The following KDM4C variants were observed in gnomAD, a reference collection of about 807,000 sequenced individuals.
The protein encoded by KDM4C is lysine demethylase 4C.
In KDM4C, 81 loss-of-function variants were observed where a neutral mutation model predicts 129.3. That is an observed-to-expected ratio of 0.63 (90% CI 0.52 to 0.75). KDM4C has a LOEUF of 0.75. KDM4C is among the 30% of genes least tolerant of loss of function. The pLI, the probability that KDM4C is intolerant of heterozygous loss-of-function variation, is 0.00. For synonymous variants in KDM4C, 573 were observed against 456.1 expected, an observed-to-expected ratio of 1.26 and a Z score of -3.26; for missense variants, 1,457 against 1,304.0, an observed-to-expected ratio of 1.12 and a Z score of -1.81.
rs543899565 is a variant in KDM4C, at chr9:6,922,293, C to T, written c.921+29061C>T. ...ACATTTCTAATTTCTTTTACCTTTG[C>T]CCTTATGCAGGGCATGTGCATAGTA... On this transcript the variant is annotated intron_variant, in intron 8 of 21. Coordinates refer to ENST00000381309, the MANE Select transcript of KDM4C (RefSeq NM_015061.6). Among the ~76,000 whole-genome samples, 6 of 152,286 alleles carry T rather than the reference C, an allele frequency of 3.9e-5. No homozygotes were observed. In the South Asian group the frequency reaches 1.2e-3, roughly 32 times the overall value.
intron 17 of KDM4C, among the ~76,000 whole-genome samples, chr9:7,100,711 G>C (rs573369919): frequency 4.6e-5 from 7 of 152,130 alleles, no homozygotes; most frequent in African/African-American, 1.7e-4. Context: ...ACCTCATGTT[G>C]ACCCAGGGTT....
intron 4 of KDM4C, among the ~76,000 whole-genome samples, chr9:6,820,698 A>ATCTC (rs200755944): frequency 2.8e-5 from 4 of 140,702 alleles, no homozygotes; most frequent in African/African-American, 7.9e-5. Flanking sequence ...TTGTGTCTTG[A>ATCTC]TCTCTCTCTC....
intron 5 of KDM4C, among the ~76,000 whole-genome samples, chr9:6,866,705 T>C (rs907063444): frequency 6.6e-6 from 1 of 152,078 alleles, no homozygotes; most frequent in African/African-American, 2.4e-5. Context: ...TCTATTCTAG[T>C]GTAGAAACCG....
At chr9:6,760,440 C>T (rs1819179106) in intron 1 of KDM4C, among the ~76,000 whole-genome samples, 1 of 112,256 alleles carries the variant, frequency 8.9e-6, no homozygotes, top group Non-Finnish European at 1.8e-5. Context: ...TTTCTCTACT[C>T]TTGGGTATAT....
chr9:7,026,822 C>G (rs1447736624), intron 15 of KDM4C, among the ~76,000 whole-genome samples: 2 of 151,878 alleles, frequency 1.3e-5, no homozygotes, highest in East Asian at 1.9e-4. Flanking sequence ...TTCAAATAAC[C>G]TGTCTTCGAG....
chr9:6,757,594 A>G (rs562306668), upstream of KDM4C: 2 of 979,498 alleles, frequency 2.0e-6, no homozygotes, highest in Non-Finnish European at 2.4e-6. Context: ...GTACATTCCG[A>G]GGCTCCACCC....
chr9:6,863,369 A>T (rs1841321630), intron 5 of KDM4C, among the ~76,000 whole-genome samples: 1 of 152,092 alleles, frequency 6.6e-6, no homozygotes, highest in Non-Finnish European at 1.5e-5. Flanking sequence ...TAAAGAAAAA[A>T]GATTTATTTG....
At chr9:6,922,401 T>TC (rs1003032957) in intron 8 of KDM4C, among the ~76,000 whole-genome samples, 18 of 149,378 alleles carry the variant, frequency 1.2e-4, no homozygotes, top group South Asian at 4.2e-4. Flanking sequence ...ACTGTTTTTT[T>TC]CCCCCCCATT....
intron 17 of KDM4C, among the ~76,000 whole-genome samples, chr9:7,085,848 A>C (rs534952478): frequency 4.0e-5 from 6 of 150,066 alleles, no homozygotes; most frequent in African/African-American, 1.5e-4. Context: ...TTTCTTTTTT[A>C]TTTTTCATTA....
At chr9:7,023,246 A>G (rs1481815680) in intron 15 of KDM4C, among the ~76,000 whole-genome samples, 1 of 152,200 alleles carries the variant, frequency 6.6e-6, no homozygotes, top group Admixed American at 6.5e-5. Flanking sequence ...GGTAGAATTC[A>G]GCACTGAAGC....
At chr9:7,074,723 A>G (rs1028149450) in intron 17 of KDM4C, among the ~76,000 whole-genome samples, 3 of 152,168 alleles carry the variant, frequency 2.0e-5, no homozygotes, top group African/African-American at 7.2e-5. Flanking sequence ...TATTAACCCT[A>G]AAGGACTAGA....
chr9:6,876,905 C>T (rs776825900), intron 5 of KDM4C, among the ~76,000 whole-genome samples: 27 of 152,254 alleles, frequency 1.8e-4, no homozygotes, highest in Admixed American at 3.9e-4. Flanking sequence ...AAAAGCTTCG[C>T]ATACACAAAT....
In KDM4C at chr9:7,062,729, T is replaced by C. The variant is rs10976016; in HGVS notation, c.2424+13529T>C. ...ATTTGAACTTACAGAATTATTCCCT[T>C]TACTGTTTTAAGGGAATCTGTGGAA... On this transcript the variant is annotated intron_variant, in intron 17 of 21. Transcript: ENST00000381309. Among the ~76,000 whole-genome samples, 3 of 152,066 alleles carry C rather than the reference T, an allele frequency of 2.0e-5. No individual in the cohort carries two copies. In the East Asian group the frequency reaches 5.8e-4, roughly 29 times the overall value.
intron 1 of KDM4C, among the ~76,000 whole-genome samples, chr9:6,773,898 C>A (rs1258340889): frequency 6.6e-6 from 1 of 151,814 alleles, no homozygotes; most frequent in African/African-American, 2.4e-5. Context: ...ATAACCAAAC[C>A]CTAGGCATTT....
chr9:7,089,040 G>GA (rs1475778368), intron 17 of KDM4C, among the ~76,000 whole-genome samples: 1 of 150,318 alleles, frequency 6.7e-6, no homozygotes, highest in Non-Finnish European at 1.5e-5. Flanking sequence ...GAATTGATGA[G>GA]AAAAAAAATC....
At chr9:6,811,875 T>G (rs913060688) in intron 3 of KDM4C, among the ~76,000 whole-genome samples, 3 of 152,198 alleles carry the variant, frequency 2.0e-5, no homozygotes, top group African/African-American at 7.2e-5. Flanking sequence ...AAGATATGGT[T>G]GAATCAGTAT....
chr9:6,900,716 T>C (rs1009152297), intron 8 of KDM4C, among the ~76,000 whole-genome samples: 3 of 152,216 alleles, frequency 2.0e-5, no homozygotes, highest in African/African-American at 7.2e-5. Flanking sequence ...TCCTTTTTAG[T>C]CTGTAGTGCA....
intron 4 of KDM4C, among the ~76,000 whole-genome samples, chr9:6,844,196 T>C (rs1837458026): frequency 6.6e-6 from 1 of 152,214 alleles, no homozygotes; most frequent in African/African-American, 2.4e-5. Flanking sequence ...TAACGTTGGA[T>C]TGAGTCTTCT....
At position 6,772,548 on chromosome 9, in the gene KDM4C, A is replaced by C. The variant is rs184621952; in HGVS notation, c.-18+14345A>C. Among the ~76,000 whole-genome samples, 88 of 152,200 alleles carry C rather than the reference A, an allele frequency of 5.8e-4. 1 individual carries two copies. The highest frequency in any genetic ancestry group is 3.7e-4 in the Non-Finnish European group (25 of 67,996). ...GGTTAATTTTGTATTTTTAGTAGAG[A>C]CAGGGTTTATCCATGTTGGTCAGGC... On this transcript the variant is annotated intron_variant, in intron 1 of 21. Transcript: ENST00000381309.
Sources: allele counts gnomAD v4.1 joint callset (sites outside exome capture counted in the v4.1 genomes callset), GRCh38; gene constraint gnomAD v4.1.1; transcripts MANE v1.5; gene names NCBI Gene and HGNC (gene_info 2026-07-23, HGNC 2026-07-21).